The following LGSN variants were observed in gnomAD, a reference collection of about 807,000 sequenced individuals.
The protein encoded by LGSN is lengsin.
In LGSN, 21 loss-of-function variants were observed where a neutral mutation model predicts 19.5. The ratio of observed to expected loss-of-function variants is 1.07; its 90% CI spans 0.76 to 1.55. LGSN has a LOEUF of 1.55. Ranked by LOEUF, LGSN falls within the 40% of genes most tolerant of loss-of-function variation. LGSN has a pLI of 0.00. For missense variants in LGSN, 673 were observed against 608.5 expected, an observed-to-expected ratio of 1.11 and a Z score of -1.12; for synonymous variants, 257 against 215.6, an observed-to-expected ratio of 1.19 and a Z score of -1.68.
the LGSN span, among the ~76,000 whole-genome samples, chr6:63,523,863 A>G: frequency 6.6e-6 from 1 of 152,110 alleles, no homozygotes; most frequent in Non-Finnish European, 1.5e-5. Flanking sequence ...CTGTGTCTGA[A>G]TTTTTAACAG....
the LGSN span, among the ~76,000 whole-genome samples, chr6:63,404,756 T>A: frequency 2.6e-5 from 4 of 152,152 alleles, no homozygotes; most frequent in East Asian, 7.7e-4. Context: ...GACATAAACA[T>A]CCAGTCCATT....
the LGSN span, among the ~76,000 whole-genome samples, chr6:63,472,080 T>C: frequency 1.3e-5 from 2 of 152,242 alleles, no homozygotes; most frequent in Non-Finnish European, 2.9e-5. Context: ...GCAATCTTTC[T>C]GATTTGCCTC....
At chr6:63,390,101 ACTTT>A in the LGSN span, among the ~76,000 whole-genome samples, 13 of 133,686 alleles carry the variant, frequency 9.7e-5, no homozygotes, top group Non-Finnish European at 1.4e-4. Context: ...GTATTTGGAC[ACTTT>A]CTTTCTTTCT....
chr6:63,489,337 T>C, the LGSN span, among the ~76,000 whole-genome samples: 1 of 152,234 alleles, frequency 6.6e-6, no homozygotes, highest in Non-Finnish European at 1.5e-5. Flanking sequence ...TTCCTTTTAA[T>C]TCAAAAGCTA....
chr6:63,305,515 C>T (rs1450800443), intron 1 of LGSN, among the ~76,000 whole-genome samples: 1 of 152,186 alleles, frequency 6.6e-6, no homozygotes, highest in Non-Finnish European at 1.5e-5. Context: ...CAGATGCCTG[C>T]CAATCACAGG....
chr6:63,401,766 G>A, the LGSN span, among the ~76,000 whole-genome samples: 10 of 152,290 alleles, frequency 6.6e-5, no homozygotes, highest in African/African-American at 1.2e-4. Context: ...AAATGTATGC[G>A]ACTGGAGCAT....
the LGSN span, among the ~76,000 whole-genome samples, chr6:63,477,649 T>C: frequency 1.3e-5 from 2 of 150,356 alleles, no homozygotes; most frequent in African/African-American, 4.9e-5. Context: ...CATCCTTTTT[T>C]TTTTTCTTTT....
At chr6:63,521,086 G>T in the LGSN span, among the ~76,000 whole-genome samples, 1 of 152,078 alleles carries the variant, frequency 6.6e-6, no homozygotes, top group Non-Finnish European at 1.5e-5. Context: ...CCTGTCACGG[G>T]GTGGGGGAAA....
chr6:63,463,266 G>C, the LGSN span, among the ~76,000 whole-genome samples: 1 of 152,124 alleles, frequency 6.6e-6, no homozygotes, highest in African/African-American at 2.4e-5. Context: ...TACCTGACAT[G>C]TATAAAGAAC....
At chr6:63,371,356 G>A in the LGSN span, among the ~76,000 whole-genome samples, 2 of 152,182 alleles carry the variant, frequency 1.3e-5, no homozygotes, top group East Asian at 1.9e-4. Flanking sequence ...ATAAACAACC[G>A]AACCAAGAGA....
chr6:63,536,857 T>C, the LGSN span, among the ~76,000 whole-genome samples: 1 of 152,128 alleles, frequency 6.6e-6, no homozygotes, highest in Non-Finnish European at 1.5e-5. Flanking sequence ...CATAGTCTTT[T>C]TGTAACATAA....
At chr6:63,428,908 G>A in the LGSN span, among the ~76,000 whole-genome samples, 1 of 152,168 alleles carries the variant, frequency 6.6e-6, no homozygotes, top group Non-Finnish European at 1.5e-5. Context: ...TAGCAGCTGG[G>A]CATGGTGGTG....
the LGSN span, among the ~76,000 whole-genome samples, chr6:63,501,119 C>T: frequency 6.6e-6 from 1 of 152,042 alleles, no homozygotes; most frequent in African/African-American, 2.4e-5. Context: ...TGCCTATAGT[C>T]CCAGCACTTT....
chr6:63,402,420 G>T, the LGSN span, among the ~76,000 whole-genome samples: 1 of 152,154 alleles, frequency 6.6e-6, no homozygotes, highest in African/African-American at 2.4e-5. Flanking sequence ...AGATAAGGAA[G>T]AGCCCTAACT....
the LGSN span, among the ~76,000 whole-genome samples, chr6:63,486,335 A>G: frequency 3.3e-5 from 5 of 152,162 alleles, no homozygotes; most frequent in South Asian, 2.1e-4. Context: ...TTGGAGGTGA[A>G]CATCCTACCT....
the LGSN span, among the ~76,000 whole-genome samples, chr6:63,564,938 C>T: frequency 6.6e-6 from 1 of 152,144 alleles, no homozygotes; most frequent in Non-Finnish European, 1.5e-5. Context: ...TTATTCAGTG[C>T]CCCAAGGAAA....
chr6:63,281,188 T>C lies in LGSN; in HGVS notation c.363A>G (p.Arg121=). The stretch of plus-strand genomic sequence containing the variant: ...GATTTGGTATCACTTCAAGATAACC[T>C]CGGGGCATGCAAACACCATGGCTCA... ...EKVSHGVCMP[R]GYLEVIPNPK... is the part of the protein sequence containing the mutation. Residue 121 remains arginine (R), a synonymous_variant, in exon 4 of 4, where the codon CGA becomes CGG. Transcript: ENST00000370657. 2 of 1,605,678 alleles carry C rather than the reference T, an allele frequency of 1.2e-6. No individual in the cohort carries two copies. The highest frequency in any genetic ancestry group is 1.7e-6 in the Non-Finnish European group (2 of 1,175,892).
chr6:63,541,960 CT>C, the LGSN span, among the ~76,000 whole-genome samples: 2 of 151,132 alleles, frequency 1.3e-5, no homozygotes, highest in African/African-American at 4.9e-5. Context: ...ATACACATAA[CT>C]TTTTTACATA....
At chr6:63,323,559 T>TACACACACACACACACACAC (rs58400159), upstream of LGSN, among the ~76,000 whole-genome samples, 1 of 132,762 alleles carries the variant, frequency 7.5e-6, no homozygotes, top group Non-Finnish European at 1.6e-5. Context: ...AAACCTCATA[T>TACACACACACACACACACAC]ACACACACAC....
Sources: gnomAD v4.1 joint callset for allele counts (sites outside exome capture counted in the v4.1 genomes callset) on GRCh38, gnomAD v4.1.1 for gene constraint, MANE v1.5 for transcripts, NCBI Gene and HGNC (gene_info 2026-07-23, HGNC 2026-07-21) for gene names.